MAML3: variants seen among roughly 807,000 people sequenced by gnomAD.
MAML3 encodes the protein mastermind like transcriptional coactivator 3, also known as mastermind-like protein 3.
MAML3 carries 27 observed loss-of-function variants against 101.9 expected under a neutral mutation model. The observed-to-expected ratio is 0.27, with a 90% CI of 0.20 to 0.37. The LOEUF (loss-of-function observed/expected upper bound fraction) is 0.37, where lower values mean the gene tolerates loss of function less well. Ranked by LOEUF, MAML3 falls within the 10% of genes least tolerant of loss-of-function variation. The pLI is 1.00. For synonymous variants in MAML3, 501 were observed against 555.9 expected (o/e 0.90, Z 1.39); for missense variants, 1,316 against 1,444.9 (o/e 0.91, Z 1.45).
intron 1 of MAML3, among the ~76,000 whole-genome samples, chr4:140,013,993 G>A (rs976078053): frequency 5.3e-5 from 8 of 152,234 alleles, no homozygotes; most frequent in African/African-American, 1.9e-4. Flanking sequence ...AGAATGGGAT[G>A]AGGCTTCTTT....
At chr4:139,792,032 G>A (rs1051555472) in intron 2 of MAML3, among the ~76,000 whole-genome samples, 1 of 152,228 alleles carries the variant, frequency 6.6e-6, no homozygotes, top group Non-Finnish European at 1.5e-5. Context: ...TTGGAGGCTA[G>A]AGAAATATTA....
intron 2 of MAML3, among the ~76,000 whole-genome samples, chr4:139,745,125 G>C (rs949861203): frequency 2.6e-5 from 4 of 151,260 alleles, no homozygotes; most frequent in Admixed American, 2.6e-4. Flanking sequence ...ATTTGGATTT[G>C]AGTGAGAAGA....
chr4:140,123,292 T>C (rs1728638202), intron 1 of MAML3, among the ~76,000 whole-genome samples: 6 of 152,122 alleles, frequency 3.9e-5, no homozygotes, highest in Admixed American at 3.9e-4. Flanking sequence ...TTATAAGGGA[T>C]TGACAATTTT....
intron 2 of MAML3, among the ~76,000 whole-genome samples, chr4:139,828,217 G>T (rs1731097123): frequency 6.6e-6 from 1 of 152,218 alleles, no homozygotes; most frequent in Non-Finnish European, 1.5e-5. Flanking sequence ...ATTTGTGATA[G>T]TCAGTGACAT....
intron 1 of MAML3, among the ~76,000 whole-genome samples, chr4:140,078,030 A>ATAAATAC (rs1727801305): frequency 6.6e-6 from 1 of 150,796 alleles, no homozygotes; most frequent in Non-Finnish European, 1.5e-5. Flanking sequence ...TAAATAAAAA[A>ATAAATAC]ATAAATAAAT....
chr4:139,950,723 G>C (rs1400166679), intron 1 of MAML3, among the ~76,000 whole-genome samples: 2 of 152,188 alleles, frequency 1.3e-5, no homozygotes, highest in African/African-American at 4.8e-5. Flanking sequence ...GTTGTGGTTT[G>C]ACAAGCTACA....
chr4:139,834,192 A>G (rs1175212937), intron 2 of MAML3, among the ~76,000 whole-genome samples: 1 of 152,260 alleles, frequency 6.6e-6, no homozygotes. Flanking sequence ...ATTCCTACAC[A>G]AAAGCTTTCT....
intron 2 of MAML3, among the ~76,000 whole-genome samples, chr4:139,861,066 C>T (rs1425888778): frequency 6.6e-6 from 1 of 151,714 alleles, no homozygotes; most frequent in Non-Finnish European, 1.5e-5. Context: ...AAAGATGAGA[C>T]CTTCCTTTTC....
Position 139,889,739 on chromosome 4 carries a change from A to G in MAML3, c.1697T>C (p.Met566Thr), listed in dbSNP as rs2111197163. The change falls in exon 2 of 5, where the codon ATG (methionine) becomes ACG (threonine). Residue 566 changes from methionine (M) to threonine (T), a missense_variant. Coordinates refer to ENST00000509479, the MANE Select transcript of MAML3 (RefSeq NM_018717.5). ...PMANNLQKTT[M>T]NNYLPQNHMN... ...GTGATTCTGAGGGAGGTAGTTATTCATTGTTGTCTTCTGCAGGTTGTTTGC... is the reference window on the plus strand; with the variant it reads ...GTGATTCTGAGGGAGGTAGTTATTCGTTGTTGTCTTCTGCAGGTTGTTTGC... 2.5e-6 allele frequency: 4 copies of G among 1,613,914 alleles called. No homozygotes were observed. The highest frequency in any genetic ancestry group is 1.7e-5 in the Admixed American group (1 of 60,012).
intron 2 of MAML3, among the ~76,000 whole-genome samples, chr4:139,840,956 C>T (rs1297444240): frequency 6.6e-6 from 1 of 152,220 alleles, no homozygotes; most frequent in Non-Finnish European, 1.5e-5. Context: ...ACTCTGGCTG[C>T]TCTAGGTTAT....
At chr4:139,842,170 C>A (rs899937110) in intron 2 of MAML3, among the ~76,000 whole-genome samples, 2 of 152,162 alleles carry the variant, frequency 1.3e-5, no homozygotes, top group African/African-American at 4.8e-5. Flanking sequence ...AGAGCCCACA[C>A]GGAGTACAGA....
chr4:139,787,061 G>C (rs1578600779), intron 2 of MAML3, among the ~76,000 whole-genome samples: 1 of 152,210 alleles, frequency 6.6e-6, no homozygotes, highest in African/African-American at 2.4e-5. Flanking sequence ...AATTGAACAT[G>C]CCTCAGTTGG....
At position 139,877,396 on chromosome 4, in the gene MAML3, TA is replaced by T. The variant is rs142271923; in HGVS notation, c.2079+11960del. Among the ~76,000 whole-genome samples the T allele has an allele frequency of 1.5e-3, 229 of 152,070 alleles. 1 individual carries two copies. In the Middle Eastern group the frequency reaches 0.02, roughly 14 times the overall value. On this transcript the variant is annotated intron_variant, in intron 2 of 4. Transcript: ENST00000509479. ...AAGAGCCCAGAGTTGTATGAATAGT[TA>T]ATGAACGATGACATAATATACTTTA...
intron 2 of MAML3, among the ~76,000 whole-genome samples, chr4:139,884,972 C>T (rs59737932): frequency 0.021 from 3,136 of 152,034 alleles, 101 homozygotes; most frequent in African/African-American, 0.071. Flanking sequence ...AGGATTAGGA[C>T]GGAAAAAAAC....
intron 2 of MAML3, among the ~76,000 whole-genome samples, chr4:139,801,509 G>C (rs1287842170): frequency 1.3e-5 from 2 of 152,218 alleles, no homozygotes; most frequent in East Asian, 3.8e-4. Context: ...CTGAGAAACA[G>C]TGGACTTTTT....
chr4:140,130,575 C>T (rs768327338), intron 1 of MAML3, among the ~76,000 whole-genome samples: 2 of 152,168 alleles, frequency 1.3e-5, no homozygotes, highest in Non-Finnish European at 2.9e-5. Context: ...AAGAGTTTTA[C>T]TTAAAAATCA....
intron 2 of MAML3, among the ~76,000 whole-genome samples, chr4:139,767,024 C>G (rs1729875463): frequency 6.6e-6 from 1 of 152,230 alleles, no homozygotes; most frequent in South Asian, 2.1e-4. Flanking sequence ...ATACACGTGA[C>G]TATTATTGTC....
intron 1 of MAML3, among the ~76,000 whole-genome samples, chr4:140,058,388 A>G (rs1013102521): frequency 2.6e-5 from 4 of 152,064 alleles, no homozygotes; most frequent in Non-Finnish European, 5.9e-5. Context: ...CACCGTGCCT[A>G]GCCCCAAGTT....
At chr4:139,993,465 G>GTTCTTTTCTTTTCTT (rs56025022) in intron 1 of MAML3, among the ~76,000 whole-genome samples, 1 of 150,786 alleles carries the variant, frequency 6.6e-6, no homozygotes, top group South Asian at 2.1e-4. Flanking sequence ...TCCCAGTATG[G>GTTCTTTTCTTTTCTT]TTCTTTTCTT....
Sources: gnomAD v4.1 joint callset for allele counts (sites outside exome capture counted in the v4.1 genomes callset) on GRCh38, gnomAD v4.1.1 for gene constraint, MANE v1.5 for transcripts, NCBI Gene and HGNC (gene_info 2026-07-23, HGNC 2026-07-21) for gene names.